Variants in PCDHA5 observed in about 807,000 individuals in gnomAD.
The protein encoded by PCDHA5 is protocadherin alpha-5.
PCDHA5 carries 43 observed loss-of-function variants against 61.6 expected under a neutral mutation model. The observed-to-expected ratio is 0.70, with a 90% CI of 0.55 to 0.90. PCDHA5 has a LOEUF of 0.90. PCDHA5 is among the 40% of genes least tolerant of loss of function. PCDHA5 has a pLI of 0.00. For missense variants in PCDHA5, 1,298 were observed against 1,222.7 expected (o/e 1.06, Z -0.92); for synonymous variants, 627 against 543.9 (o/e 1.15, Z -2.13).
intron 1 of PCDHA5, among the ~76,000 whole-genome samples, chr5:140,932,619 A>T (rs535899807): frequency 5.3e-5 from 8 of 152,056 alleles, no homozygotes; most frequent in African/African-American, 1.9e-4. Context: ...TGAAGCTGAT[A>T]ACCACACTAA....
intron 1 of PCDHA5, chr5:140,841,821 T>G: frequency 6.2e-7 from 1 of 1,613,940 alleles, no homozygotes; most frequent in Non-Finnish European, 8.5e-7. Context: ...GCTAACTCCG[T>G]GTTAACCTAC....
intron 1 of PCDHA5, among the ~76,000 whole-genome samples, chr5:140,916,262 G>C (rs1379588605): frequency 6.6e-6 from 1 of 152,202 alleles, no homozygotes; most frequent in Non-Finnish European, 1.5e-5. Flanking sequence ...GACCCCAAGA[G>C]CATGCTTGTT....
chr5:140,858,495 G>T, intron 1 of PCDHA5: 1 of 1,481,630 alleles, frequency 6.7e-7, no homozygotes, highest in Non-Finnish European at 9.2e-7. Flanking sequence ...TTCTCTTACC[G>T]CATTTTCTCA....
intron 3 of PCDHA5, among the ~76,000 whole-genome samples, chr5:140,995,316 A>G (rs2097676169): frequency 1.3e-5 from 2 of 152,222 alleles, no homozygotes; most frequent in South Asian, 4.1e-4. Context: ...TTCTAAGTGA[A>G]CTAACAGGTG....
chr5:140,829,318 G>A, intron 1 of PCDHA5: 3 of 1,614,246 alleles, frequency 1.9e-6, no homozygotes, highest in Non-Finnish European at 2.5e-6. Context: ...CGTTGGTGCT[G>A]GACAGTGCCC....
intron 1 of PCDHA5, among the ~76,000 whole-genome samples, chr5:140,918,114 G>C (rs989175486): frequency 5.8e-4 from 89 of 152,144 alleles, no homozygotes; most frequent in African/African-American, 2.1e-3. Flanking sequence ...TCACATCCTT[G>C]ATTAGCCATA....
chr5:140,865,207 G>T (rs2048773206), intron 1 of PCDHA5: 1 of 152,092 alleles, frequency 6.6e-6, no homozygotes. Context: ...AATGTGAATT[G>T]CTTTCTTTAA....
intron 3 of PCDHA5, 155 bp downstream of exon 3, chr5:140,982,718 T>A: frequency 1.1e-6 from 1 of 924,050 alleles, no homozygotes; most frequent in Non-Finnish European, 1.3e-6. Flanking sequence ...CATATATGAT[T>A]ATTTTGATTT....
chr5:140,883,320 C>T, intron 1 of PCDHA5: 1 of 1,614,112 alleles, frequency 6.2e-7, no homozygotes, highest in Non-Finnish European at 8.5e-7. Flanking sequence ...CCAGAGGTTA[C>T]CATCACTTCT....
At chr5:141,009,488 C>T (rs2098409682) in intron 3 of PCDHA5, 139 bp from the exon 4 acceptor site, 4 of 1,469,622 alleles carry the variant, frequency 2.7e-6, no homozygotes, top group Non-Finnish European at 3.6e-6. Context: ...CTTGCCTTGC[C>T]CTCAGACTTG....
At position 140,990,539 on chromosome 5, in the gene PCDHA5, A is replaced by G. The variant is rs2097398985; in HGVS notation, c.2500+7976A>G. ...TGTCTTTTTTGACTGTGCATCATAG[A>G]TACTGTATTACCCAAGAACACACAC... is the stretch of plus-strand genomic sequence containing the variant. On this transcript the variant is annotated intron_variant, in intron 3 of 3. Transcript: ENST00000529859. Among the ~76,000 whole-genome samples the G allele has an allele frequency of 2.6e-5, 4 of 152,262 alleles. No homozygotes were observed. In the South Asian group the frequency reaches 6.2e-4, roughly 24 times the overall value.
At chr5:140,922,888 C>A (rs1584282377) in intron 1 of PCDHA5, among the ~76,000 whole-genome samples, 1 of 152,236 alleles carries the variant, frequency 6.6e-6, no homozygotes, top group South Asian at 2.1e-4. Flanking sequence ...AGACATCATT[C>A]AAGAAAAAAT....
At chr5:140,836,314 G>T (rs2150257460) in intron 1 of PCDHA5, 2 of 1,613,658 alleles carry the variant, frequency 1.2e-6, no homozygotes, top group South Asian at 1.1e-5. Flanking sequence ...GACGCACCGC[G>T]CCACCGCCTT....
At chr5:140,893,409 T>C (rs2153442529) in intron 1 of PCDHA5, among the ~76,000 whole-genome samples, 1 of 152,154 alleles carries the variant, frequency 6.6e-6, no homozygotes, top group South Asian at 2.1e-4. Context: ...TCCCAGCACT[T>C]AGGGAGGCAG....
rs1489456152 is a variant in PCDHA5 at position 140,857,912 on chromosome 5, C to T, written c.2352+33785C>T. On this transcript the variant is annotated intron_variant, in intron 1 of 3. Transcript: ENST00000529859. ...GGCGGTTGGTGCACGCATCCCGTTT[C>T]GCGTGGGGCTGTACACGGGCGAGAT... is the stretch of plus-strand genomic sequence containing the variant. 3.1e-6 allele frequency: 5 copies of T among 1,597,650 alleles called. 1 individual carries two copies. In the Admixed American group the frequency reaches 6.7e-5, roughly 22 times the overall value.
At position 140,857,221 on chromosome 5, in the gene PCDHA5, C is replaced by G. The variant is rs146953582; in HGVS notation, c.2352+33094C>G. On this transcript the variant is annotated intron_variant, in intron 1 of 3. Transcript: ENST00000529859. ...AGGTCACCTGCTCTCTGACGCCTCA[C>G]GTTCCGTTCAAGCTGGTGTCCACCT... is the stretch of plus-strand genomic sequence containing the variant. 4.4e-4 allele frequency: 711 copies of G among 1,598,474 alleles called. 36 individuals carry two copies. In the African/African-American group the frequency reaches 9.1e-3, roughly 20 times the overall value.
chr5:140,865,652 A>G (rs1413896571), intron 1 of PCDHA5: 1 of 152,206 alleles, frequency 6.6e-6, no homozygotes, highest in Non-Finnish European at 1.5e-5. Context: ...ACATTATTTC[A>G]TTTAATACTT....
In PCDHA5 at chr5:140,850,201, G is replaced by A. The variant is rs202136378; in HGVS notation, c.2352+26074G>A. The A allele has an allele frequency of 1.6e-5, 25 of 1,593,494 alleles. 3 individuals carry two copies. Among genetic ancestry groups the A allele is most frequent in the Middle Eastern group, 2.1e-4 (1 of 4,666 alleles). On this transcript the variant is annotated intron_variant, in intron 1 of 3. Coordinates refer to ENST00000529859, the MANE Select transcript of PCDHA5 (RefSeq NM_018908.3). ...AATGCGCCGGCGCTGCTGACACCTC[G>A]GATGAGGGGCACTGACGGCGCAGTG...
chr5:140,871,185 T>C (rs782235765), intron 1 of PCDHA5: 1 of 1,613,600 alleles, frequency 6.2e-7, no homozygotes, highest in Admixed American at 1.7e-5. Flanking sequence ...CGCTGGTGGA[T>C]GTCAACGTGT....
Sources: gnomAD v4.1 joint callset for allele counts (sites outside exome capture counted in the v4.1 genomes callset) on GRCh38, gnomAD v4.1.1 for gene constraint, MANE v1.5 for transcripts, NCBI Gene and HGNC (gene_info 2026-07-23, HGNC 2026-07-21) for gene names.